Variants in SERGEF observed in about 807,000 individuals in gnomAD.
The protein encoded by SERGEF is secretion regulating guanine nucleotide exchange factor, also known as secretion-regulating guanine nucleotide exchange factor.
A neutral mutation model predicts 50.0 loss-of-function variants in SERGEF; 51 were observed. That is an observed-to-expected ratio of 1.02 (90% CI 0.81 to 1.29). The LOEUF is 1.29. Among genes scored for constraint, SERGEF ranks in the 50% most tolerant of loss-of-function variants. The pLI, the probability that SERGEF is intolerant of heterozygous loss-of-function variation, is 0.00. For synonymous variants in SERGEF, 205 were observed against 212.4 expected, an observed-to-expected ratio of 0.97 and a Z score of 0.30; for missense variants, 521 against 557.0, an observed-to-expected ratio of 0.94 and a Z score of 0.65.
chr11:17,842,485 G>A (rs1287075765), intron 10 of SERGEF, among the ~76,000 whole-genome samples: 1 of 152,206 alleles, frequency 6.6e-6, no homozygotes, highest in Non-Finnish European at 1.5e-5. Context: ...CCAAGACCAT[G>A]CATCCGGTAT....
chr11:17,867,814 C>A (rs1321210621), intron 10 of SERGEF, among the ~76,000 whole-genome samples: 1 of 152,320 alleles, frequency 6.6e-6, no homozygotes, highest in African/African-American at 2.4e-5. Flanking sequence ...AGGCTCGACA[C>A]CATGTGGAAG....
chr11:17,823,116 C>A (rs1220623479), intron 10 of SERGEF, among the ~76,000 whole-genome samples: 2 of 152,146 alleles, frequency 1.3e-5, no homozygotes, highest in Admixed American at 1.3e-4. Context: ...GCTACGGTTT[C>A]TCCAACTTTG....
chr11:17,887,479 G>A (rs1045737891), intron 9 of SERGEF, among the ~76,000 whole-genome samples: 1 of 152,124 alleles, frequency 6.6e-6, no homozygotes, highest in Admixed American at 6.5e-5. Context: ...ATTCAGGCCA[G>A]GTAAATATCC....
In SERGEF at chr11:17,995,998, C is replaced by T. The variant is rs1853830407; in HGVS notation, c.509-89G>A. Reference sequence around the variant, plus strand: ...TTGAACCTCACTGCTATGAGAAATTCCCAATTCTTTCTCAGTTAATATGAG... The same window carrying T: ...TTGAACCTCACTGCTATGAGAAATTTCCAATTCTTTCTCAGTTAATATGAG... On this transcript the variant is annotated intron_variant, in intron 5 of 10. Coordinates refer to ENST00000265965, the MANE Select transcript of SERGEF (RefSeq NM_012139.4). The T allele has an allele frequency of 1.7e-5, 15 of 888,154 alleles. No individual in the cohort carries two copies. In the South Asian group the frequency reaches 2.1e-4, roughly 13 times the overall value. The allele number at this position is 888,154 out of a possible 1,614,324, so 55.0% of individuals were successfully genotyped here.
At chr11:17,846,796 C>A (rs1046678737) in intron 10 of SERGEF, 12 of 455,782 alleles carry the variant, frequency 2.6e-5, no homozygotes, top group Non-Finnish European at 4.4e-5. Flanking sequence ...CATATTGAAC[C>A]CAGAATGGTG....
At chr11:17,788,471 T>C (rs1470509688) in intron 10 of SERGEF, 58 bp from the exon 11 acceptor site, 1 of 1,433,194 alleles carries the variant, frequency 7.0e-7, no homozygotes, top group African/African-American at 1.4e-5. Flanking sequence ...GGCTGAAACA[T>C]TCACCCTGAG....
intron 9 of SERGEF, among the ~76,000 whole-genome samples, chr11:17,949,276 G>T (rs1852727149): frequency 6.6e-6 from 1 of 152,050 alleles, no homozygotes. Flanking sequence ...GGAAGATGGG[G>T]AACTACAGGG....
intron 10 of SERGEF, chr11:17,853,971 A>G (rs1850764146): frequency 1.3e-5 from 2 of 150,694 alleles, no homozygotes; most frequent in Admixed American, 1.3e-4. Context: ...CAGTGAGCCA[A>G]GATCACACCA....
chr11:17,981,761 CA>C (rs1365984916), intron 8 of SERGEF, among the ~76,000 whole-genome samples: 1 of 152,152 alleles, frequency 6.6e-6, no homozygotes, highest in Non-Finnish European at 1.5e-5. Flanking sequence ...TCTATGGCTG[CA>C]CTCTTCAGGT....
In SERGEF at chr11:17,992,929, A is replaced by G; in HGVS notation, c.685+2T>C. The G allele has an allele frequency of 6.2e-7, 1 of 1,613,364 alleles. No homozygotes were observed. The highest frequency in any genetic ancestry group is 8.5e-7 in the Non-Finnish European group (1 of 1,179,292). The stretch of plus-strand genomic sequence containing the variant: ...TTAAACCGTGAAAGAGCTGGTACCT[A>G]CCTGTTAATGAAGCTGAGTGGTCTG... On this transcript the variant is annotated splice_donor_variant, in intron 7 of 10. Transcript: ENST00000265965. LOFTEE classifies it high-confidence loss of function.
intron 9 of SERGEF, among the ~76,000 whole-genome samples, chr11:17,918,987 T>A (rs929062092): frequency 6.6e-6 from 1 of 152,174 alleles, no homozygotes; most frequent in Admixed American, 6.5e-5. Flanking sequence ...CTCTAAATGC[T>A]AGGTTGAGAG....
At chr11:17,794,803 C>CA (rs1849546806) in intron 10 of SERGEF, among the ~76,000 whole-genome samples, 1 of 152,178 alleles carries the variant, frequency 6.6e-6, no homozygotes, top group African/African-American at 2.4e-5. Context: ...TTCTCTCTAG[C>CA]AAAAACGTTG....
chr11:17,910,685 C>A (rs574937453), intron 9 of SERGEF, among the ~76,000 whole-genome samples: 2 of 152,102 alleles, frequency 1.3e-5, no homozygotes, highest in South Asian at 4.2e-4. Context: ...AACTATATGC[C>A]CAGCATAGGC....
chr11:17,799,251 C>T (rs1303416003), intron 10 of SERGEF, among the ~76,000 whole-genome samples: 1 of 152,120 alleles, frequency 6.6e-6, no homozygotes, highest in Non-Finnish European at 1.5e-5. Flanking sequence ...AAGGTTCCAC[C>T]TCTGTTAGCT....
At chr11:17,892,630 T>C (rs987239866) in intron 9 of SERGEF, among the ~76,000 whole-genome samples, 3 of 152,230 alleles carry the variant, frequency 2.0e-5, no homozygotes, top group Admixed American at 2.0e-4. Flanking sequence ...ACTGTGGCGA[T>C]AGATAACTGA....
chr11:17,998,190 C>T, intron 5 of SERGEF, among the ~76,000 whole-genome samples: 1 of 151,778 alleles, frequency 6.6e-6, no homozygotes, highest in Non-Finnish European at 1.5e-5. Context: ...GGCAGGAAGA[C>T]TGTCAGAGGC....
chr11:17,827,371 T>C (rs1850215984), intron 10 of SERGEF, among the ~76,000 whole-genome samples: 1 of 152,066 alleles, frequency 6.6e-6, no homozygotes, highest in Non-Finnish European at 1.5e-5. Flanking sequence ...AAGCTCCAAA[T>C]ACAGAAAGAG....
chr11:17,990,772 C>CT (rs5790010), intron 7 of SERGEF, among the ~76,000 whole-genome samples: 322 of 148,266 alleles, frequency 2.2e-3, no homozygotes, highest in Admixed American at 5.4e-3. Context: ...GGCTATTAAT[C>CT]TTTTTTTTTT....
chr11:17,878,214 T>C lies in SERGEF; in HGVS notation c.1042A>G (p.Ile348Val), dbSNP rs1191772689. ...CAGTATAAAAATTACTTACCAATTA[T>C]TGCCAAATTATGCTCTGAGCCACAA... ...VSCGSEHNLA[I>V]IGGVCYSWGW... is the part of the protein sequence containing the mutation. Residue 348 changes from isoleucine (I) to valine (V), a missense_variant, in exon 10 of 11, where the codon ATA (isoleucine) becomes GTA (valine). By Grantham distance (29) the Ile-to-Val change is conservative. Transcript: ENST00000265965. 4 of 1,585,204 alleles carry C rather than the reference T, an allele frequency of 2.5e-6. No homozygotes were observed. Among genetic ancestry groups the C allele is most frequent in the Non-Finnish European group, 3.4e-6 (4 of 1,159,608 alleles).
Sources: allele counts gnomAD v4.1 joint callset (sites outside exome capture counted in the v4.1 genomes callset), GRCh38; gene constraint gnomAD v4.1.1; transcripts MANE v1.5; gene names NCBI Gene and HGNC (gene_info 2026-07-23, HGNC 2026-07-21).